Variants in TENM3 observed in about 807,000 individuals in gnomAD.
TENM3 encodes the protein teneurin transmembrane protein 3, also known as teneurin-3.
Under a neutral mutation model 255.1 loss-of-function variants are expected in TENM3, and 63 were observed. The observed-to-expected ratio is 0.25, with a 90% CI of 0.20 to 0.30. The LOEUF (loss-of-function observed/expected upper bound fraction) is 0.30. TENM3 is among the 10% of genes least tolerant of loss of function. The pLI, the probability that TENM3 is intolerant of heterozygous loss-of-function variation, is 1.00. For synonymous variants in TENM3, 1,306 were observed against 1,322.3 expected, an observed-to-expected ratio of 0.99 and a Z score of 0.27; for missense variants, 2,929 against 3,461.1, an observed-to-expected ratio of 0.85 and a Z score of 3.86.
At chr4:182,490,552 C>G (rs7693885) in intron 3 of TENM3, among the ~76,000 whole-genome samples, 144,565 of 152,232 alleles carry the variant, frequency 0.95, 68,799 homozygotes, top group East Asian at 1. Flanking sequence ...ATGTCAGATT[C>G]CAGGGGAAAA....
chr4:182,733,129 T>C (rs1219633489), intron 16 of TENM3, among the ~76,000 whole-genome samples: 1 of 152,188 alleles, frequency 6.6e-6, no homozygotes, highest in East Asian at 1.9e-4. Flanking sequence ...AGAGGTATGA[T>C]CTTACATAGT....
chr4:181,794,583 C>T, the TENM3 span, among the ~76,000 whole-genome samples: 4 of 151,344 alleles, frequency 2.6e-5, no homozygotes, highest in Non-Finnish European at 5.9e-5. Context: ...ACATACTGTC[C>T]TCCAGGTTCA....
At chr4:182,442,498 T>C (rs1033699335) in intron 3 of TENM3, among the ~76,000 whole-genome samples, 1 of 152,202 alleles carries the variant, frequency 6.6e-6, no homozygotes, top group Non-Finnish European at 1.5e-5. Flanking sequence ...TGAATAATTC[T>C]TCCTTTCTAA....
chr4:182,737,840 T>A (rs6819099), intron 17 of TENM3, among the ~76,000 whole-genome samples: 63,804 of 151,990 alleles, frequency 0.42, 13,729 homozygotes, highest in East Asian at 0.7. Context: ...CAATTTTAAA[T>A]TCCCTGTTTC....
At chr4:182,357,938 C>T (rs1447223910) in intron 3 of TENM3, among the ~76,000 whole-genome samples, 2 of 151,064 alleles carry the variant, frequency 1.3e-5, no homozygotes, top group Non-Finnish European at 3.0e-5. Context: ...CTACATATGG[C>T]TAGCCAGTTT....
intron 3 of TENM3, among the ~76,000 whole-genome samples, chr4:182,490,820 A>T (rs1214642472): frequency 1.3e-5 from 2 of 152,136 alleles, no homozygotes; most frequent in Non-Finnish European, 2.9e-5. Context: ...CTCACACTGG[A>T]TGCTGAACTG....
chr4:182,590,033 G>C (rs758286176), intron 3 of TENM3, among the ~76,000 whole-genome samples: 3 of 152,142 alleles, frequency 2.0e-5, no homozygotes, highest in Non-Finnish European at 4.4e-5. Context: ...GCCTCAGGCA[G>C]AAGCATTGCT....
intron 3 of TENM3, among the ~76,000 whole-genome samples, chr4:182,424,891 T>C (rs961898193): frequency 7.2e-5 from 11 of 152,216 alleles, no homozygotes; most frequent in South Asian, 2.1e-4. Flanking sequence ...CTTAAAATTA[T>C]ATTTAACCTC....
chr4:182,446,898 A>C (rs1220340177), intron 3 of TENM3, among the ~76,000 whole-genome samples: 3 of 149,506 alleles, frequency 2.0e-5, no homozygotes, highest in African/African-American at 7.4e-5. Context: ...CACCCCCCTC[A>C]GAAGACACAT....
chr4:182,324,625 C>T (rs1253912003), intron 2 of TENM3, among the ~76,000 whole-genome samples: 1 of 152,102 alleles, frequency 6.6e-6, no homozygotes, highest in Non-Finnish European at 1.5e-5. Context: ...TGGCTAGAAC[C>T]GGTACAAGGA....
intron 3 of TENM3, among the ~76,000 whole-genome samples, chr4:182,599,872 C>G (rs1734041334): frequency 6.6e-6 from 1 of 152,110 alleles, no homozygotes; most frequent in South Asian, 2.1e-4. Context: ...TGTGTGGAAC[C>G]ATATCAGTTT....
intron 3 of TENM3, among the ~76,000 whole-genome samples, chr4:182,367,127 T>G (rs10000045): frequency 0.048 from 6,946 of 146,028 alleles, 511 homozygotes; most frequent in African/African-American, 0.17. Context: ...GAAAAGACTT[T>G]ACAGAATTTA....
chr4:182,209,454 C>T (rs1040871017), intron 1 of TENM3, among the ~76,000 whole-genome samples: 6 of 151,714 alleles, frequency 4.0e-5, no homozygotes, highest in African/African-American at 1.5e-4. Flanking sequence ...CACTCAAAGG[C>T]TGCCAAGACT....
chr4:181,641,548 G>A, the TENM3 span, among the ~76,000 whole-genome samples: 2,462 of 14,184 alleles, frequency 0.17, 72 homozygotes, highest in Middle Eastern at 0.29. Context: ...ATTCCATGGT[G>A]TGTGTGTATA....
chr4:181,796,864 A>G, the TENM3 span, among the ~76,000 whole-genome samples: 1 of 152,186 alleles, frequency 6.6e-6, no homozygotes, highest in Admixed American at 6.5e-5. Context: ...ACCCAGATAT[A>G]TGCATCCACT....
At chr4:182,448,585 G>C (rs1561457242) in intron 3 of TENM3, among the ~76,000 whole-genome samples, 1 of 152,186 alleles carries the variant, frequency 6.6e-6, no homozygotes, top group African/African-American at 2.4e-5. Context: ...AGCGCTGCCG[G>C]AGAACAGCTC....
chr4:181,549,827 A>G, the TENM3 span, among the ~76,000 whole-genome samples: 1 of 152,214 alleles, frequency 6.6e-6, no homozygotes, highest in African/African-American at 2.4e-5. Context: ...TCCTCAGCCC[A>G]TAAAACAAGG....
At chr4:182,273,960 A>AT (rs1203353813) in intron 1 of TENM3, among the ~76,000 whole-genome samples, 6 of 152,228 alleles carry the variant, frequency 3.9e-5, no homozygotes, top group African/African-American at 9.6e-5. Context: ...TAAGAATAGC[A>AT]TCTTCTCAAG....
At chr4:182,204,259 G>A (rs1754400700) in intron 1 of TENM3, among the ~76,000 whole-genome samples, 1 of 152,050 alleles carries the variant, frequency 6.6e-6, no homozygotes, top group Non-Finnish European at 1.5e-5. Flanking sequence ...TGCTTATAAT[G>A]CTGACTGAAG....
Sources: allele counts gnomAD v4.1 joint callset (sites outside exome capture counted in the v4.1 genomes callset), GRCh38; gene constraint gnomAD v4.1.1; transcripts MANE v1.5; gene names NCBI Gene and HGNC (gene_info 2026-07-23, HGNC 2026-07-21).